The following LHFPL3 variants were observed in gnomAD, a reference collection of about 807,000 sequenced individuals.
The protein encoded by LHFPL3 is LHFPL tetraspan subfamily member 3 protein.
In LHFPL3, 5 loss-of-function variants were observed where a neutral mutation model predicts 19.3. The ratio of observed to expected loss-of-function variants is 0.26; its 90% CI spans 0.14 to 0.54. The LOEUF (loss-of-function observed/expected upper bound fraction) is 0.54. LHFPL3 is among the 20% of genes least tolerant of loss of function. LHFPL3 has a pLI of 0.94. For missense variants in LHFPL3, 249 were observed against 307.4 expected (o/e 0.81, Z 1.42); for synonymous variants, 133 against 126.2 (o/e 1.05, Z -0.36).
At chr7:104,515,032 C>G (rs2115784316) in intron 1 of LHFPL3, among the ~76,000 whole-genome samples, 1 of 152,274 alleles carries the variant, frequency 6.6e-6, no homozygotes, top group African/African-American at 2.4e-5. Context: ...TTTTGTCCTA[C>G]TTCTTTCACT....
At chr7:104,471,469 T>C (rs1792904652) in intron 1 of LHFPL3, among the ~76,000 whole-genome samples, 1 of 152,214 alleles carries the variant, frequency 6.6e-6, no homozygotes. Context: ...ATAAGGTAGA[T>C]ATTATTACTC....
At chr7:104,859,945 T>C (rs1289047121) in intron 2 of LHFPL3, among the ~76,000 whole-genome samples, 1 of 152,126 alleles carries the variant, frequency 6.6e-6, no homozygotes, top group Non-Finnish European at 1.5e-5. Flanking sequence ...TGGGGACAAG[T>C]TGTGTAAGGG....
intron 1 of LHFPL3, among the ~76,000 whole-genome samples, chr7:104,677,858 G>C (rs958668033): frequency 2.0e-5 from 3 of 152,196 alleles, no homozygotes; most frequent in African/African-American, 7.2e-5. Flanking sequence ...AATAAACACT[G>C]TTCCTCCTAC....
At chr7:104,503,775 G>C (rs35232086) in intron 1 of LHFPL3, among the ~76,000 whole-genome samples, 15,664 of 152,060 alleles carry the variant, frequency 0.1, 891 homozygotes, top group East Asian at 0.12. Flanking sequence ...TTGCCAGATT[G>C]CCTAGGCTGG....
intron 1 of LHFPL3, among the ~76,000 whole-genome samples, chr7:104,672,058 A>AGTGTGT (rs71155518): frequency 0.019 from 2,881 of 148,764 alleles, 36 homozygotes; most frequent in Non-Finnish European, 0.029. Flanking sequence ...TTAACTTCCA[A>AGTGTGT]GTGTGTGTGT....
At chr7:104,591,012 C>T (rs1365443277) in intron 1 of LHFPL3, among the ~76,000 whole-genome samples, 1 of 152,166 alleles carries the variant, frequency 6.6e-6, no homozygotes, top group Non-Finnish European at 1.5e-5. Flanking sequence ...TGTGTCTCTG[C>T]ACATAAGATG....
intron 1 of LHFPL3, among the ~76,000 whole-genome samples, chr7:104,559,602 G>C (rs1046227164): frequency 1.3e-5 from 2 of 152,212 alleles, no homozygotes; most frequent in East Asian, 1.9e-4. Context: ...GGGTTTTATA[G>C]ATATACAATC....
chr7:104,817,270 A>G (rs1790573287), intron 2 of LHFPL3, among the ~76,000 whole-genome samples: 1 of 152,120 alleles, frequency 6.6e-6, no homozygotes, highest in Non-Finnish European at 1.5e-5. Flanking sequence ...GTCAATATTT[A>G]TGTGTTGAGC....
chr7:104,575,559 TAAAAA>T (rs58118006), intron 1 of LHFPL3, among the ~76,000 whole-genome samples: 1,324 of 36,146 alleles, frequency 0.037, 13 homozygotes, highest in African/African-American at 0.097. Context: ...CAAAGAGATC[TAAAAA>T]AAAAAAAAAA....
At chr7:104,766,891 A>G (rs1009098611) in intron 2 of LHFPL3, among the ~76,000 whole-genome samples, 1 of 152,234 alleles carries the variant, frequency 6.6e-6, no homozygotes, top group Admixed American at 6.5e-5. Flanking sequence ...AACCCAAAAC[A>G]GCTTAGCCTT....
chr7:104,680,866 G>A (rs4436063), intron 1 of LHFPL3, among the ~76,000 whole-genome samples: 4,726 of 152,102 alleles, frequency 0.031, 229 homozygotes, highest in African/African-American at 0.094. Flanking sequence ...TAAAAACACT[G>A]GAAAGGAAAC....
At chr7:104,506,628 T>C (rs1343748113) in intron 1 of LHFPL3, among the ~76,000 whole-genome samples, 1 of 152,358 alleles carries the variant, frequency 6.6e-6, no homozygotes, top group East Asian at 1.9e-4. Flanking sequence ...TAGATCAGGA[T>C]TAAACTCCCT....
At chr7:104,891,719 G>A (rs888370041) in intron 2 of LHFPL3, among the ~76,000 whole-genome samples, 1 of 152,214 alleles carries the variant, frequency 6.6e-6, no homozygotes, top group African/African-American at 2.4e-5. Context: ...GAAGAAGAAT[G>A]TCCTATTATA....
chr7:104,465,705 C>A (rs1792767683), intron 1 of LHFPL3, among the ~76,000 whole-genome samples: 1 of 152,108 alleles, frequency 6.6e-6, no homozygotes, highest in Non-Finnish European at 1.5e-5. Context: ...TAACTGCCCC[C>A]ATGATTAAAT....
At chr7:104,884,386 T>C (rs961340101) in intron 2 of LHFPL3, among the ~76,000 whole-genome samples, 3 of 152,104 alleles carry the variant, frequency 2.0e-5, no homozygotes, top group Non-Finnish European at 4.4e-5. Flanking sequence ...TTCTGTCCAA[T>C]CCTCTACCTC....
intron 2 of LHFPL3, among the ~76,000 whole-genome samples, chr7:104,853,162 G>A (rs1414371427): frequency 6.6e-6 from 1 of 152,214 alleles, no homozygotes; most frequent in Non-Finnish European, 1.5e-5. Flanking sequence ...TGCCCACCTC[G>A]ATCCAGTTAC....
chr7:104,512,344 A>G (rs1272660071), intron 1 of LHFPL3, among the ~76,000 whole-genome samples: 2 of 152,102 alleles, frequency 1.3e-5, no homozygotes, highest in African/African-American at 4.8e-5. Context: ...TTGTGTTACT[A>G]CCATGGGTCA....
chr7:104,696,772 T>G (rs1452890127), intron 1 of LHFPL3, among the ~76,000 whole-genome samples: 1 of 152,198 alleles, frequency 6.6e-6, no homozygotes, highest in East Asian at 1.9e-4. Flanking sequence ...AGTTCTAGAC[T>G]GGAAATTTTT....
At chr7:104,754,201 T>G (rs75654308) in intron 2 of LHFPL3, among the ~76,000 whole-genome samples, 3 of 152,082 alleles carry the variant, frequency 2.0e-5, no homozygotes, top group Non-Finnish European at 4.4e-5. Flanking sequence ...GCGAAGTGTA[T>G]GGATCTTAAA....
Sources: gnomAD v4.1 joint callset for allele counts (sites outside exome capture counted in the v4.1 genomes callset) on GRCh38, gnomAD v4.1.1 for gene constraint, MANE v1.5 for transcripts, NCBI Gene and HGNC (gene_info 2026-07-23, HGNC 2026-07-21) for gene names.